LGSN: variants seen among roughly 807,000 people sequenced by gnomAD.
LGSN encodes the protein lengsin, lens protein with glutamine synthetase domain, also known as lengsin.
A neutral mutation model predicts 19.5 loss-of-function variants in LGSN; 21 were observed. The ratio of observed to expected loss-of-function variants is 1.07; its 90% confidence interval spans 0.76 to 1.55. The LOEUF (loss-of-function observed/expected upper bound fraction) is 1.55, where lower values mean the gene tolerates loss of function less well. LGSN is among the 40% of genes most tolerant of loss of function. The pLI is 0.00. For synonymous variants in LGSN, 257 were observed against 215.6 expected (o/e 1.19, Z -1.68); for missense variants, 673 against 608.5 (o/e 1.11, Z -1.12).
the LGSN span, among the ~76,000 whole-genome samples, chr6:63,542,848 C>T: frequency 1.3e-5 from 2 of 152,162 alleles, no homozygotes; most frequent in Non-Finnish European, 2.9e-5. Flanking sequence ...TCCACCCCTA[C>T]CTGATTCATC....
At chr6:63,514,821 C>T in the LGSN span, among the ~76,000 whole-genome samples, 1 of 152,116 alleles carries the variant, frequency 6.6e-6, no homozygotes, top group African/African-American at 2.4e-5. Flanking sequence ...CCACTTCAGC[C>T]TTCCTAGTAG....
the LGSN span, among the ~76,000 whole-genome samples, chr6:63,513,108 C>G: frequency 0.54 from 81,477 of 152,058 alleles, 23,658 homozygotes; most frequent in African/African-American, 0.77. Flanking sequence ...GTTCTTTCTT[C>G]TCTGGGTCCT....
the LGSN span, chr6:63,572,440 T>C: frequency 1.9e-5 from 7 of 372,452 alleles, no homozygotes; most frequent in African/African-American, 1.5e-4. Flanking sequence ...GGGTTGCACG[T>C]CGCGCCGGCT....
At chr6:63,454,212 T>A in the LGSN span, among the ~76,000 whole-genome samples, 1 of 150,726 alleles carries the variant, frequency 6.6e-6, no homozygotes. Context: ...TTTTTTCCTG[T>A]CACCGTTATG....
At chr6:63,454,782 T>C in the LGSN span, among the ~76,000 whole-genome samples, 1 of 103,392 alleles carries the variant, frequency 9.7e-6, no homozygotes, top group South Asian at 3.2e-4. Flanking sequence ...ACGTTTTCTT[T>C]TTTTCTTTTT....
At chr6:63,519,285 T>A in the LGSN span, among the ~76,000 whole-genome samples, 1 of 151,704 alleles carries the variant, frequency 6.6e-6, no homozygotes, top group Non-Finnish European at 1.5e-5. Flanking sequence ...CCAGCCTGGG[T>A]GACAAAGGCG....
the LGSN span, among the ~76,000 whole-genome samples, chr6:63,384,761 T>A: frequency 1.2e-4 from 19 of 152,262 alleles, 1 homozygote; most frequent in South Asian, 2.1e-4. Context: ...CCTCAGGTGA[T>A]CCCGCCTCAG....
chr6:63,517,613 ACTAT>A, the LGSN span, among the ~76,000 whole-genome samples: 1 of 152,076 alleles, frequency 6.6e-6, no homozygotes, highest in African/African-American at 2.4e-5. Context: ...AAGGACCTTC[ACTAT>A]CTATCAACAC....
At chr6:63,445,867 A>ACTGAG in the LGSN span, among the ~76,000 whole-genome samples, 19 of 152,192 alleles carry the variant, frequency 1.2e-4, no homozygotes, top group African/African-American at 4.6e-4. Flanking sequence ...GATCCTTCTG[A>ACTGAG]AGTATCTCAG....
At chr6:63,405,026 A>G in the LGSN span, among the ~76,000 whole-genome samples, 2 of 141,678 alleles carry the variant, frequency 1.4e-5, no homozygotes, top group Non-Finnish European at 3.0e-5. Flanking sequence ...TCATTGTTCA[A>G]TTCCCACCTA....
chr6:63,501,948 A>G, the LGSN span, among the ~76,000 whole-genome samples: 1 of 152,080 alleles, frequency 6.6e-6, no homozygotes, highest in African/African-American at 2.4e-5. Context: ...GGCACACACC[A>G]CCACATCCAG....
At chr6:63,415,612 T>C in the LGSN span, among the ~76,000 whole-genome samples, 1 of 152,206 alleles carries the variant, frequency 6.6e-6, no homozygotes, top group Non-Finnish European at 1.5e-5. Context: ...GGTCTCTCCC[T>C]TGACTCGTGG....
At chr6:63,391,209 C>G in the LGSN span, among the ~76,000 whole-genome samples, 1 of 152,090 alleles carries the variant, frequency 6.6e-6, no homozygotes, top group Non-Finnish European at 1.5e-5. Context: ...GTATAAATGT[C>G]CTTAGCAGTC....
the LGSN span, among the ~76,000 whole-genome samples, chr6:63,335,136 C>A: frequency 1.4e-5 from 2 of 140,518 alleles, no homozygotes; most frequent in Non-Finnish European, 3.0e-5. Flanking sequence ...GAATGAGACT[C>A]CATCTCAAAA....
the LGSN span, among the ~76,000 whole-genome samples, chr6:63,392,793 A>G: frequency 6.6e-6 from 1 of 151,912 alleles, no homozygotes; most frequent in Non-Finnish European, 1.5e-5. Flanking sequence ...TTTTCTTTCT[A>G]ATGAAGAGCA....
the LGSN span, among the ~76,000 whole-genome samples, chr6:63,568,136 C>A: frequency 2.6e-5 from 4 of 152,230 alleles, no homozygotes; most frequent in African/African-American, 9.6e-5. Flanking sequence ...CCTGTGTTCA[C>A]TGGAGTGGCA....
chr6:63,514,918 G>A, the LGSN span, among the ~76,000 whole-genome samples: 1 of 151,888 alleles, frequency 6.6e-6, no homozygotes. Flanking sequence ...TGCCCAGGCT[G>A]GTCTCAAACT....
At chr6:63,507,063 T>C in the LGSN span, among the ~76,000 whole-genome samples, 68 of 152,310 alleles carry the variant, frequency 4.5e-4, no homozygotes, top group Middle Eastern at 3.4e-3. Context: ...AGGGTCCCCA[T>C]GTATCTATAC....
chr6:63,367,233 C>T, the LGSN span, among the ~76,000 whole-genome samples: 1 of 152,122 alleles, frequency 6.6e-6, no homozygotes, highest in African/African-American at 2.4e-5. Flanking sequence ...AGAACTTTAA[C>T]AAATTTACAA....
Sources: allele counts gnomAD v4.1 joint callset (sites outside exome capture counted in the v4.1 genomes callset), GRCh38; gene constraint gnomAD v4.1.1; transcripts MANE v1.5; gene names NCBI Gene and HGNC (gene_info 2026-07-23, HGNC 2026-07-21).